The following CFAP52 variants were observed in gnomAD, a reference collection of about 807,000 sequenced individuals.
CFAP52 encodes cilia and flagella associated protein 52.
CFAP52 carries 57 observed loss-of-function variants against 70.5 expected under a neutral mutation model. The observed-to-expected ratio is 0.81, with a 90% confidence interval of 0.65 to 1.01. The LOEUF (loss-of-function observed/expected upper bound fraction) is 1.01. Ranked by LOEUF, CFAP52 falls within the 50% of genes least tolerant of loss-of-function variation. CFAP52 has a pLI of 0.00. For synonymous variants in CFAP52, 267 were observed against 292.5 expected (o/e 0.91, Z 0.89); for missense variants, 785 against 788.5 (o/e 1.00, Z 0.05).
chr17:9,628,542 G>A, intron 8 of CFAP52, 130 bp from the exon 9 acceptor site: 1 of 1,262,438 alleles, frequency 7.9e-7, no homozygotes, highest in South Asian at 1.5e-5. Flanking sequence ...CTCCCAAAGT[G>A]CTGGGATTAC....
chr17:9,576,811 G>A (rs1327460723), intron 1 of CFAP52, 46 bp downstream of exon 1: 1 of 1,590,504 alleles, frequency 6.3e-7, no homozygotes, highest in Non-Finnish European at 8.6e-7. Flanking sequence ...GGAATTCGGA[G>A]GACGTGTAGT....
intron 12 of CFAP52, among the ~76,000 whole-genome samples, chr17:9,639,889 A>G (rs73975768): frequency 0.019 from 2,892 of 152,246 alleles, 82 homozygotes; most frequent in African/African-American, 0.056. Context: ...GAGAGTGTCA[A>G]TTTGGCTTCT....
chr17:9,628,942 C>T (rs1233186073), intron 9 of CFAP52, 122 bp downstream of exon 9: 1 of 1,400,360 alleles, frequency 7.1e-7, no homozygotes, highest in Non-Finnish European at 9.8e-7. Flanking sequence ...TGTCCACCCC[C>T]TTCTTGCTTC....
chr17:9,634,106 C>G (rs1237799682), intron 10 of CFAP52, among the ~76,000 whole-genome samples: 1 of 152,172 alleles, frequency 6.6e-6, no homozygotes, highest in Non-Finnish European at 1.5e-5. Flanking sequence ...GAGGCTGTAA[C>G]ACCTTTTGCT....
intron 5 of CFAP52, among the ~76,000 whole-genome samples, chr17:9,599,085 A>G (rs1157737517): frequency 6.6e-6 from 1 of 152,212 alleles, no homozygotes; most frequent in East Asian, 1.9e-4. Flanking sequence ...CAGGTTGCAT[A>G]TTCCTTATCT....
chr17:9,633,835 C>G (rs1910658615), intron 10 of CFAP52, among the ~76,000 whole-genome samples: 1 of 151,472 alleles, frequency 6.6e-6, no homozygotes, highest in East Asian at 2.0e-4. Context: ...TGCCACCACG[C>G]CCAGCTAATT....
At chr17:9,637,230 A>G (rs1404022631) in intron 11 of CFAP52, among the ~76,000 whole-genome samples, 1 of 152,202 alleles carries the variant, frequency 6.6e-6, no homozygotes, top group Admixed American at 6.5e-5. Context: ...TTCAAGGACC[A>G]CACTTGTAGG....
chr17:9,600,227 C>T, intron 6 of CFAP52, 44 bp downstream of exon 6: 2 of 1,503,946 alleles, frequency 1.3e-6, no homozygotes, highest in South Asian at 1.1e-5. Context: ...TTTCTCCCTT[C>T]ACTGGCAGCA....
chr17:9,616,124 G>A (rs1160360222), intron 8 of CFAP52, among the ~76,000 whole-genome samples: 4 of 150,458 alleles, frequency 2.7e-5, no homozygotes, highest in East Asian at 2.0e-4. Flanking sequence ...GACAGTGGGC[G>A]CAGGCCAGTG....
At chr17:9,608,338 C>A in intron 7 of CFAP52, 119 bp downstream of exon 7, 2 of 778,208 alleles carry the variant, frequency 2.6e-6, no homozygotes, top group Non-Finnish European at 3.8e-6. Flanking sequence ...TTTCATCTTG[C>A]TGTTAGAATG....
intron 6 of CFAP52, among the ~76,000 whole-genome samples, chr17:9,605,673 C>T (rs1013555855): frequency 1.5e-5 from 2 of 133,398 alleles, no homozygotes; most frequent in East Asian, 2.2e-4. Context: ...TTCAGCCTGG[C>T]GACAGAGTGA....
Position 9,586,733 on chromosome 17 carries a change from G to T in CFAP52, c.306G>T (p.Glu102Asp), listed in dbSNP as rs376192510. The T allele has an allele frequency of 2.5e-6, 4 of 1,613,606 alleles. No individual in the cohort carries two copies. The highest frequency in any genetic ancestry group is 3.4e-6 in the Non-Finnish European group (4 of 1,179,922). ...DIILWDYKNR[E>D]LLARLSLHKG... Reference sequence around the variant, plus strand: ...TTTTGTGGGATTATAAGAACAGAGAGCTGCTTGCTCGGCTGTCCCTTCACA... The same window carrying T: ...TTTTGTGGGATTATAAGAACAGAGATCTGCTTGCTCGGCTGTCCCTTCACA... The change falls in exon 3 of 14, where the codon GAG (glutamate) becomes GAT (aspartate). Residue 102 changes from glutamate (E) to aspartate (D), a missense_variant. Glu to Asp is a conservative substitution (Grantham distance 45, BLOSUM62 2). Transcript: ENST00000352665.
intron 3 of CFAP52, among the ~76,000 whole-genome samples, chr17:9,591,186 C>A (rs1222618596): frequency 2.0e-5 from 3 of 149,488 alleles, no homozygotes; most frequent in African/African-American, 7.4e-5. Flanking sequence ...TACAGGCATG[C>A]ACCACCATGC....
Position 9,584,225 on chromosome 17 carries a change from T to C in CFAP52, c.71-1548T>C, listed in dbSNP as rs75735851. 61 of 1,263,578 alleles carry C rather than the reference T, an allele frequency of 4.8e-5. No homozygotes were observed. The East Asian group carries it at 3.3e-3, about 68-fold the overall frequency. The allele number at this position is 1,263,578 out of a possible 1,614,324, so 78.3% of individuals were successfully genotyped here. ...TGTTTTTAGTGAATAAACTACCAAC[T>C]CAAGCAAAACAATAATTACATTCAA... On this transcript the variant is annotated intron_variant, in intron 1 of 13. Coordinates refer to ENST00000352665, the MANE Select transcript of CFAP52 (RefSeq NM_145054.5).
At chr17:9,630,673 G>T (rs1354838169) in intron 9 of CFAP52, among the ~76,000 whole-genome samples, 1 of 150,696 alleles carries the variant, frequency 6.6e-6, no homozygotes, top group African/African-American at 2.4e-5. Flanking sequence ...CTCGTGATCC[G>T]CCCGCCTCGG....
chr17:9,641,785 G>A lies in CFAP52; in HGVS notation c.1637G>A (p.Gly546Glu). ...AGAGAATTGGAAGGTTCCCTGTCTGGGTCGATAAATGGCATGGATATCACA... is the reference window on the plus strand; with the variant it reads ...AGAGAATTGGAAGGTTCCCTGTCTGAGTCGATAAATGGCATGGATATCACA... ...VIRELEGSLS[G>E]SINGMDITQE... Residue 546 changes from glycine (G) to glutamate (E), a missense_variant, in exon 13 of 14, where the codon GGG becomes GAG. Gly to Glu is a moderately conservative substitution (Grantham distance 98, BLOSUM62 -2). Coordinates refer to ENST00000352665, the MANE Select transcript of CFAP52 (RefSeq NM_145054.5). 1 of 1,613,996 alleles carries A rather than the reference G, an allele frequency of 6.2e-7. No individual in the cohort carries two copies. The highest frequency in any genetic ancestry group is 8.5e-7 in the Non-Finnish European group (1 of 1,179,920).
At chr17:9,629,517 C>T (rs11657542) in intron 9 of CFAP52, among the ~76,000 whole-genome samples, 5 of 143,574 alleles carry the variant, frequency 3.5e-5, no homozygotes, top group Non-Finnish European at 7.6e-5. Flanking sequence ...TTCTTTCTTT[C>T]TTCTTTCTTT....
At chr17:9,607,768 G>A (rs1257563253) in intron 6 of CFAP52, among the ~76,000 whole-genome samples, 1 of 152,114 alleles carries the variant, frequency 6.6e-6, no homozygotes, top group Non-Finnish European at 1.5e-5. Flanking sequence ...TGCACCAGTG[G>A]TTTTAGGGAG....
chr17:9,616,567 C>G (rs1909936048), intron 8 of CFAP52, among the ~76,000 whole-genome samples: 1 of 147,822 alleles, frequency 6.8e-6, no homozygotes, highest in Non-Finnish European at 1.5e-5. Flanking sequence ...AACAAAAAGA[C>G]AGCAGTAACC....
Sources: allele counts gnomAD v4.1 joint callset (sites outside exome capture counted in the v4.1 genomes callset), GRCh38; gene constraint gnomAD v4.1.1; transcripts MANE v1.5; gene names NCBI Gene and HGNC (gene_info 2026-07-23, HGNC 2026-07-21).